ZNF423: variants seen among roughly 807,000 people sequenced by gnomAD.
ZNF423 encodes the protein Ebf-associated zinc finger protein.
ZNF423 carries 12 observed loss-of-function variants against 95.8 expected under a neutral mutation model. The observed-to-expected ratio is 0.13, with a 90% confidence interval of 0.08 to 0.20. The LOEUF (loss-of-function observed/expected upper bound fraction) is 0.20, where lower values mean the gene tolerates loss of function less well. Ranked by LOEUF, ZNF423 falls within the 10% of genes least tolerant of loss-of-function variation. The probability of loss-of-function intolerance (pLI) is 1.00; values close to 1 mark genes in which losing one functional copy is unlikely to be tolerated. For synonymous variants in ZNF423, 749 were observed against 711.9 expected (o/e 1.05, Z -0.83); for missense variants, 1,316 against 1,737.1 (o/e 0.76, Z 4.31).
chr16:49,537,169 A>G (rs1969081924), intron 5 of ZNF423, among the ~76,000 whole-genome samples: 1 of 152,248 alleles, frequency 6.6e-6, no homozygotes, highest in South Asian at 2.1e-4. Context: ...GAACACAGGA[A>G]CACTGCAGAG....
At chr16:49,730,231 G>A (rs1021684603) in intron 3 of ZNF423, among the ~76,000 whole-genome samples, 2 of 152,184 alleles carry the variant, frequency 1.3e-5, no homozygotes, top group African/African-American at 4.8e-5. Context: ...GGAGAACAGA[G>A]CTCCAGTCAA....
chr16:49,781,293 T>G (rs2034208125), intron 2 of ZNF423, among the ~76,000 whole-genome samples: 1 of 152,012 alleles, frequency 6.6e-6, no homozygotes, highest in African/African-American at 2.4e-5. Flanking sequence ...CCTAAAGCAG[T>G]CCAAACGTCC....
chr16:49,811,298 A>G (rs2034748173), intron 1 of ZNF423, among the ~76,000 whole-genome samples: 1 of 152,154 alleles, frequency 6.6e-6, no homozygotes, highest in South Asian at 2.1e-4. Context: ...GAGACCCCCA[A>G]GAAAGTCAAG....
intron 1 of ZNF423, among the ~76,000 whole-genome samples, chr16:49,853,258 T>C (rs2035321039): frequency 8.4e-6 from 1 of 119,378 alleles, no homozygotes; most frequent in African/African-American, 3.2e-5. Context: ...CTGTCCACAC[T>C]CAAGCACACA....
At chr16:49,848,979 A>G (rs2035274218) in intron 1 of ZNF423, among the ~76,000 whole-genome samples, 1 of 152,116 alleles carries the variant, frequency 6.6e-6, no homozygotes, top group Non-Finnish European at 1.5e-5. Context: ...GCAGGGAGGG[A>G]CAGAAGATAG....
At chr16:49,500,914 G>T (rs1167398936) in intron 7 of ZNF423, among the ~76,000 whole-genome samples, 2 of 151,810 alleles carry the variant, frequency 1.3e-5, no homozygotes, top group Non-Finnish European at 2.9e-5. Context: ...AAAAAAAAAG[G>T]CTATTGGGTG....
intron 1 of ZNF423, among the ~76,000 whole-genome samples, chr16:49,847,987 C>G (rs1454079533): frequency 1.3e-5 from 2 of 152,036 alleles, no homozygotes; most frequent in African/African-American, 4.8e-5. Context: ...GCCTGTAGTT[C>G]TAGCTACTCG....
intron 5 of ZNF423, among the ~76,000 whole-genome samples, chr16:49,528,308 C>T (rs374062793): frequency 8.5e-5 from 13 of 152,272 alleles, no homozygotes; most frequent in African/African-American, 2.6e-4. Flanking sequence ...GATTCATAGC[C>T]GCAGCTACAC....
chr16:49,630,441 G>A (rs550552173), intron 4 of ZNF423, among the ~76,000 whole-genome samples: 1 of 152,296 alleles, frequency 6.6e-6, no homozygotes, highest in East Asian at 1.9e-4. Context: ...AATGAATGAA[G>A]CACATCCCAG....
chr16:49,754,689 C>A (rs961859177), intron 2 of ZNF423, among the ~76,000 whole-genome samples: 1 of 152,232 alleles, frequency 6.6e-6, no homozygotes, highest in Admixed American at 6.5e-5. Flanking sequence ...AAGCCGCCTG[C>A]ATTTCTCAAT....
intron 5 of ZNF423, among the ~76,000 whole-genome samples, chr16:49,592,328 GTTTTTTAAAACACAGC>G (rs1971034739): frequency 6.6e-6 from 1 of 152,108 alleles, no homozygotes; most frequent in African/African-American, 2.4e-5. Flanking sequence ...TATTATTTGA[GTTTTTTAAAACACAGC>G]TTTTTTAAAA....
intron 5 of ZNF423, among the ~76,000 whole-genome samples, chr16:49,571,459 G>A (rs917010881): frequency 6.6e-6 from 1 of 152,064 alleles, no homozygotes; most frequent in African/African-American, 2.4e-5. Context: ...CACGTGGAGC[G>A]CAAGTCCCAG....
Position 49,531,476 on chromosome 16 carries a change from T to C in ZNF423, c.3602-5982A>G, listed in dbSNP as rs534632542. ...GAGGACCCCTCCGACACCATCCCCATAGATAACCACAAATAGCGCAGAACA... is the reference window on the plus strand; with the variant it reads ...GAGGACCCCTCCGACACCATCCCCACAGATAACCACAAATAGCGCAGAACA... On this transcript the variant is annotated intron_variant, in intron 5 of 7. Coordinates refer to ENST00000563137, the MANE Select transcript of ZNF423 (RefSeq NM_001379286.1). 1.4e-4 allele frequency among the ~76,000 whole-genome samples: 21 copies of C among 151,844 alleles called. No individual in the cohort carries two copies. The South Asian group carries it at 2.3e-3, about 17-fold the overall frequency.
chr16:49,800,102 G>C (rs530075315), intron 1 of ZNF423, among the ~76,000 whole-genome samples: 27 of 152,202 alleles, frequency 1.8e-4, no homozygotes, highest in Admixed American at 3.9e-4. Context: ...AAATTAGCTG[G>C]GCATATGGAT....
At chr16:49,650,563 GTGGTGGTGGTCA>G (rs1317423510) in intron 3 of ZNF423, among the ~76,000 whole-genome samples, 1 of 152,322 alleles carries the variant, frequency 6.6e-6, no homozygotes, top group South Asian at 2.1e-4. Flanking sequence ...ACTCTGTGCA[GTGGTGGTGGTCA>G]TGGTGGTTTT....
chr16:49,708,022 A>G (rs1380163005), intron 3 of ZNF423: 1 of 154,102 alleles, frequency 6.5e-6, no homozygotes, highest in Non-Finnish European at 1.5e-5. Flanking sequence ...TCTGGAGTTC[A>G]TTGCCAGGAC....
chr16:49,815,914 A>T (rs1285439190), intron 1 of ZNF423, among the ~76,000 whole-genome samples: 1,852 of 29,608 alleles, frequency 0.063, 102 homozygotes, highest in Middle Eastern at 0.15. Flanking sequence ...ATATATATAT[A>T]TTTTTTTTTT....
At chr16:49,844,455 C>T (rs927149061) in intron 1 of ZNF423, among the ~76,000 whole-genome samples, 2 of 152,192 alleles carry the variant, frequency 1.3e-5, no homozygotes, top group African/African-American at 4.8e-5. Flanking sequence ...CCGGCATCAG[C>T]CTCTCCCAGC....
chr16:49,712,112 G>A (rs1196017954), intron 3 of ZNF423, among the ~76,000 whole-genome samples: 1 of 152,138 alleles, frequency 6.6e-6, no homozygotes, highest in East Asian at 1.9e-4. Flanking sequence ...GCGAGACCCT[G>A]TCGCTATTTA....
Sources: gnomAD v4.1 joint callset for allele counts (sites outside exome capture counted in the v4.1 genomes callset) on GRCh38, gnomAD v4.1.1 for gene constraint, MANE v1.5 for transcripts, NCBI Gene and HGNC (gene_info 2026-07-23, HGNC 2026-07-21) for gene names.